Variants in C5orf24 observed in about 807,000 individuals in gnomAD.
C5orf24 encodes the protein UPF0461 protein C5orf24.
In C5orf24, 4 loss-of-function variants were observed where a neutral mutation model predicts 9.8. That is an observed-to-expected ratio of 0.41 (90% CI 0.20 to 0.93). The LOEUF (loss-of-function observed/expected upper bound fraction) is 0.93. Among genes scored for constraint, C5orf24 ranks in the 40% least tolerant of loss-of-function variants. C5orf24 has a pLI of 0.33. For missense variants in C5orf24, 170 were observed against 236.9 expected (o/e 0.72, Z 1.85); for synonymous variants, 73 against 81.3 (o/e 0.90, Z 0.55).
At chr5:134,846,690 C>T (rs1331538749) in intron 1 of C5orf24, 1 of 152,184 alleles carries the variant, frequency 6.6e-6, no homozygotes, top group Non-Finnish European at 1.5e-5. Context: ...ATTCTAAACG[C>T]CTCGTGTCAA....
intron 1 of C5orf24, among the ~76,000 whole-genome samples, chr5:134,847,211 G>A (rs1756020011): frequency 6.6e-6 from 1 of 152,202 alleles, no homozygotes. Flanking sequence ...TATGCTTTAA[G>A]TATTCGAATT....
upstream of C5orf24, among the ~76,000 whole-genome samples, chr5:134,841,907 C>G (rs1755898023): frequency 6.6e-6 from 1 of 152,056 alleles, no homozygotes; most frequent in African/African-American, 2.4e-5. Context: ...AAATGAGCAC[C>G]TTATAGAGTC....
Position 134,855,278 on chromosome 5 carries a change from G to A in C5orf24, c.378G>A (p.Leu126=), listed in dbSNP as rs745676847. 2 of 1,614,024 alleles carry A rather than the reference G, an allele frequency of 1.2e-6. No homozygotes were observed. Among genetic ancestry groups the A allele is most frequent in the African/African-American group, 2.7e-5 (2 of 74,892 alleles). ...AGFKTSPGRP[L]GTTKAAGYKV... Reference sequence around the variant, plus strand: ...TTAAGACAAGTCCAGGCAGACCTTTGGGGACAACTAAAGCTGCGGGATACA... The same window carrying A: ...TTAAGACAAGTCCAGGCAGACCTTTAGGGACAACTAAAGCTGCGGGATACA... Residue 126 remains leucine, a synonymous_variant, in exon 2 of 2, where the codon TTG becomes TTA. Transcript: ENST00000394976.
At chr5:134,843,620 G>C (rs569715445), upstream of C5orf24, among the ~76,000 whole-genome samples, 23 of 152,154 alleles carry the variant, frequency 1.5e-4, no homozygotes, top group African/African-American at 5.1e-4. Flanking sequence ...GCAGTGGCAC[G>C]ATCTCAACTG....
intron 1 of C5orf24, among the ~76,000 whole-genome samples, chr5:134,854,339 A>G (rs867057602): frequency 2.0e-5 from 3 of 152,236 alleles, no homozygotes; most frequent in African/African-American, 7.2e-5. Flanking sequence ...TGCTTGGCAC[A>G]TGCTGTCTTT....
At chr5:134,838,470 C>G in the C5orf24 span, among the ~76,000 whole-genome samples, 1 of 151,922 alleles carries the variant, frequency 6.6e-6, no homozygotes, top group Non-Finnish European at 1.5e-5. Flanking sequence ...CAGTTTGAGA[C>G]CAGCCTGGCC....
At chr5:134,837,503 C>T in the C5orf24 span, among the ~76,000 whole-genome samples, 6 of 152,144 alleles carry the variant, frequency 3.9e-5, no homozygotes, top group East Asian at 9.7e-4. Flanking sequence ...TGTTTGTACC[C>T]TCCCCCTACC....
rs1466013488 is a variant in C5orf24, at chr5:134,855,352, T to C, written c.452T>C (p.Leu151Pro). The C allele has an allele frequency of 4.3e-6, 7 of 1,614,184 alleles. No individual in the cohort carries two copies. The highest frequency in any genetic ancestry group is 5.9e-6 in the Non-Finnish European group (7 of 1,180,036). The change falls in exon 2 of 2, where the codon CTT becomes CCT. Residue 151 changes from leucine to proline, a missense_variant. By Grantham distance (98) the Leu-to-Pro change is moderately conservative (BLOSUM62 -3). Around this residue, in one of 3 missense-constraint regions of C5orf24, gnomAD observed 56 missense variants for 60.3 expected, o/e 0.93. Coordinates refer to ENST00000394976, the MANE Select transcript of C5orf24 (RefSeq NM_001135586.1). ...PPGSIKALSR[L>P]ADLGYGCGTA... ...GGTAGCATTAAAGCTCTATCCCGTC[T>C]TGCCGATCTTGGTTATGGCTGTGGC...
At position 134,856,650 on chromosome 5, in the gene C5orf24, AAT is replaced by A. The variant is rs1756321453; in HGVS notation, c.*1185_*1186del. 1.5e-6 allele frequency: 1 copy of A among 659,294 alleles called. No individual in the cohort carries two copies. The highest frequency in any genetic ancestry group is 6.6e-5 in the Admixed American group (1 of 15,208). The allele number at this position is 659,294 out of a possible 1,614,324, so 40.8% of individuals were successfully genotyped here. ...AGTAAGACTCCGTCTCAAATAAATA[AAT>A]AAATAAATAAATAAATAAATAAATA... On this transcript the variant is annotated 3_prime_UTR_variant, in exon 2 of 2. Transcript: ENST00000394976.
chr5:134,848,973 AG>A (rs1756076886), intron 1 of C5orf24, among the ~76,000 whole-genome samples: 2 of 145,400 alleles, frequency 1.4e-5, no homozygotes, highest in South Asian at 2.2e-4. Context: ...AAAAAAAAAA[AG>A]AGGCTGGGCG....
the C5orf24 span, among the ~76,000 whole-genome samples, chr5:134,837,188 G>T: frequency 1.3e-5 from 2 of 151,920 alleles, 1 homozygote; most frequent in South Asian, 4.1e-4. Context: ...GGTCAGGCTG[G>T]TCTAGAACTC....
At chr5:134,839,814 A>C in the C5orf24 span, among the ~76,000 whole-genome samples, 1 of 151,700 alleles carries the variant, frequency 6.6e-6, no homozygotes, top group Non-Finnish European at 1.5e-5. Flanking sequence ...CTGCCTCCTA[A>C]GTAGCTGGGA....
chr5:134,845,996 G>A lies in C5orf24; in HGVS notation c.-220G>A, dbSNP rs1442507816. 1 of 152,208 alleles carries A rather than the reference G, an allele frequency of 6.6e-6. No homozygotes were observed. Among genetic ancestry groups the A allele is most frequent in the African/African-American group, 2.4e-5 (1 of 41,462 alleles). The allele number at this position is 152,208 out of a possible 1,614,324, so 9.4% of individuals were successfully genotyped here. A position where few individuals can be genotyped will look rare whatever the true frequency, so the allele number is the denominator to read the frequency against. ...ACTACAGGGTGGTAGCGGCCTCTTC[G>A]TACTGCGTCCGGGGCAGGACCGTGC... On this transcript the variant is annotated 5_prime_UTR_variant, in exon 1 of 2. Coordinates refer to ENST00000394976, the MANE Select transcript of C5orf24 (RefSeq NM_001135586.1).
At position 134,856,966 on chromosome 5, in the gene C5orf24, A is replaced by G. The variant is rs1389013223; in HGVS notation, c.*1499A>G. On this transcript the variant is annotated 3_prime_UTR_variant, in exon 2 of 2. Coordinates refer to ENST00000394976, the MANE Select transcript of C5orf24 (RefSeq NM_001135586.1). ...TGGGTCCAGTGAGACCATCTCATCC[A>G]AAAGATTTTTTTTCCCCCAATGATG... 9.9e-7 allele frequency: 1 copy of G among 1,005,204 alleles called. No homozygotes were observed. The highest frequency in any genetic ancestry group is 1.7e-5 in the African/African-American group (1 of 57,406). 62.3% of individuals were successfully genotyped at this position (1,005,204 alleles called of 1,614,324 possible). A position where few individuals can be genotyped will look rare whatever the true frequency, so the allele number is the denominator to read the frequency against.
intron 1 of C5orf24, among the ~76,000 whole-genome samples, chr5:134,850,231 C>T (rs561093566): frequency 6.6e-6 from 1 of 151,916 alleles, no homozygotes; most frequent in Non-Finnish European, 1.5e-5. Flanking sequence ...TCACTGCAAC[C>T]TCCTCCTCCC....
chr5:134,838,621 G>C, the C5orf24 span, among the ~76,000 whole-genome samples: 5 of 152,178 alleles, frequency 3.3e-5, 1 homozygote, highest in South Asian at 1.0e-3. Context: ...CAGCCTAAGT[G>C]AAAGAGCAAG....
Position 134,856,070 on chromosome 5 carries a change from C to G in C5orf24, c.*603C>G, listed in dbSNP as rs1756302411. 3 of 1,000,566 alleles carry G rather than the reference C, an allele frequency of 3.0e-6. No homozygotes were observed. In the Admixed American group the frequency reaches 1.8e-4, roughly 61 times the overall value. 62.0% of individuals were successfully genotyped at this position (1,000,566 alleles called of 1,614,324 possible). On this transcript the variant is annotated 3_prime_UTR_variant, in exon 2 of 2. Transcript: ENST00000394976. ...ATCTACATGGCATTAATTGATTTAA[C>G]CATTATACCTGAAATAATTCTTCAG...
the C5orf24 span, among the ~76,000 whole-genome samples, chr5:134,834,203 C>T: frequency 5.3e-5 from 8 of 152,126 alleles, no homozygotes; most frequent in Non-Finnish European, 7.4e-5. Flanking sequence ...ATATGTGGGA[C>T]GATTCAGTGT....
chr5:134,858,562 T>C lies in C5orf24; in HGVS notation c.*3095T>C, dbSNP rs1756370637. On this transcript the variant is annotated 3_prime_UTR_variant, in exon 2 of 2. Transcript: ENST00000394976. ...GTAATTCTGTTCTTCACAAAATAGG[T>C]TTCATTATTCTATATTTAAACTGTT... 1 of 167,014 alleles carries C rather than the reference T, an allele frequency of 6.0e-6. No individual in the cohort carries two copies. Among genetic ancestry groups the C allele is most frequent in the Non-Finnish European group, 1.5e-5 (1 of 68,106 alleles). The allele number at this position is 167,014 out of a possible 1,614,324, so 10.3% of individuals were successfully genotyped here.
Sources: gnomAD v4.1 joint callset for allele counts (sites outside exome capture counted in the v4.1 genomes callset) on GRCh38, gnomAD v4.1.1 for gene constraint, gnomAD v4.1.1 regional missense constraint, MANE v1.5 for transcripts, NCBI Gene and HGNC (gene_info 2026-07-23, HGNC 2026-07-21) for gene names.